Variants in ENTREP2 observed in about 807,000 individuals in gnomAD.
ENTREP2 encodes the protein endosomal transmembrane epsin interactor 2.
chr15:29,442,361 C>A, the ENTREP2 span, among the ~76,000 whole-genome samples: 1 of 152,194 alleles, frequency 6.6e-6, no homozygotes, highest in Non-Finnish European at 1.5e-5. Flanking sequence ...GTGCAACTAT[C>A]TTTGGGAAAC....
chr15:29,672,873 G>A, the ENTREP2 span, among the ~76,000 whole-genome samples: 23 of 152,210 alleles, frequency 1.5e-4, no homozygotes, highest in African/African-American at 4.6e-4. Context: ...TGGATCTCAC[G>A]CAAGAAAGAA....
the ENTREP2 span, among the ~76,000 whole-genome samples, chr15:29,636,089 T>C: frequency 6.6e-6 from 1 of 152,276 alleles, no homozygotes; most frequent in African/African-American, 2.4e-5. Flanking sequence ...AAAGAGAAAC[T>C]CTGCCTGGTG....
At chr15:29,543,651 C>T in the ENTREP2 span, among the ~76,000 whole-genome samples, 17 of 152,056 alleles carry the variant, frequency 1.1e-4, no homozygotes, top group Non-Finnish European at 1.6e-4. Context: ...TGGTGGCGGG[C>T]ACCTGTGGTC....
the ENTREP2 span, among the ~76,000 whole-genome samples, chr15:29,423,291 G>A: frequency 6.6e-6 from 1 of 152,150 alleles, no homozygotes. Flanking sequence ...TGGGAATTCA[G>A]AGAGAGATAA....
chr15:29,588,518 GAGGA>G, the ENTREP2 span, among the ~76,000 whole-genome samples: 4 of 116,450 alleles, frequency 3.4e-5, no homozygotes, highest in South Asian at 3.6e-4. Flanking sequence ...GGGAGGGAGG[GAGGA>G]AGGAAGGAAG....
the ENTREP2 span, among the ~76,000 whole-genome samples, chr15:29,356,977 CTTG>C: frequency 0.01 from 1,525 of 152,224 alleles, 41 homozygotes; most frequent in African/African-American, 0.035. Flanking sequence ...TCACAGGTAT[CTTG>C]TTGTACAGGA....
the ENTREP2 span, among the ~76,000 whole-genome samples, chr15:29,475,732 G>T: frequency 6.6e-6 from 1 of 152,326 alleles, no homozygotes; most frequent in Admixed American, 6.5e-5. Context: ...CCAGAGAGGG[G>T]TATGGGTCCT....
At chr15:29,171,457 G>A in the ENTREP2 span, among the ~76,000 whole-genome samples, 6 of 152,132 alleles carry the variant, frequency 3.9e-5, no homozygotes, top group Non-Finnish European at 8.8e-5. Context: ...GGATGTAACA[G>A]GCAAGATGAT....
the ENTREP2 span, among the ~76,000 whole-genome samples, chr15:29,629,728 A>T: frequency 4.0e-5 from 6 of 151,896 alleles, no homozygotes; most frequent in African/African-American, 1.2e-4. Context: ...CTTTTTACTT[A>T]TTCTATTGTT....
chr15:29,285,439 A>C, the ENTREP2 span, among the ~76,000 whole-genome samples: 2 of 152,236 alleles, frequency 1.3e-5, no homozygotes, highest in Non-Finnish European at 2.9e-5. Flanking sequence ...AGAATACTAT[A>C]TACAGCCTTT....
the ENTREP2 span, among the ~76,000 whole-genome samples, chr15:29,202,465 T>C: frequency 6.6e-6 from 1 of 152,114 alleles, no homozygotes; most frequent in Non-Finnish European, 1.5e-5. Flanking sequence ...TCACCTCCCA[T>C]TTTAAAAATT....
At chr15:29,401,392 A>C in the ENTREP2 span, among the ~76,000 whole-genome samples, 1 of 152,214 alleles carries the variant, frequency 6.6e-6, no homozygotes, top group Admixed American at 6.5e-5. Context: ...TGAACAATAA[A>C]CATGTAACAG....
chr15:29,136,457 T>C, the ENTREP2 span: 7 of 1,547,812 alleles, frequency 4.5e-6, no homozygotes, highest in African/African-American at 5.5e-5. Flanking sequence ...GGCCACGTCA[T>C]ACAAAGTGCC....
At chr15:29,548,355 C>T in the ENTREP2 span, among the ~76,000 whole-genome samples, 2 of 151,180 alleles carry the variant, frequency 1.3e-5, no homozygotes, top group Non-Finnish European at 2.9e-5. Context: ...TACTCAGAGG[C>T]TGAGACACGA....
chr15:29,549,825 G>T, the ENTREP2 span, among the ~76,000 whole-genome samples: 1 of 152,108 alleles, frequency 6.6e-6, no homozygotes, highest in Admixed American at 6.5e-5. Context: ...CTCCCATTCA[G>T]GCTCCTGGAA....
At chr15:29,520,802 A>G in the ENTREP2 span, among the ~76,000 whole-genome samples, 1 of 152,234 alleles carries the variant, frequency 6.6e-6, no homozygotes, top group African/African-American at 2.4e-5. Flanking sequence ...AAATTTAAAA[A>G]CAATACCATT....
chr15:29,605,633 T>C, the ENTREP2 span, among the ~76,000 whole-genome samples: 1 of 152,038 alleles, frequency 6.6e-6, no homozygotes, highest in Admixed American at 6.6e-5. Context: ...GGTCAGGAGT[T>C]CAAGACCAGC....
the ENTREP2 span, among the ~76,000 whole-genome samples, chr15:29,423,586 G>A: frequency 2.0e-5 from 3 of 149,360 alleles, no homozygotes; most frequent in African/African-American, 7.4e-5. Flanking sequence ...AGGAGATCGA[G>A]ACCATCCTGG....
At chr15:29,346,086 C>T in the ENTREP2 span, among the ~76,000 whole-genome samples, 1 of 152,196 alleles carries the variant, frequency 6.6e-6, no homozygotes, top group Non-Finnish European at 1.5e-5. Flanking sequence ...GGCGAACGAG[C>T]TCCAGAGCCC....
Sources: gnomAD v4.1 joint callset for allele counts (sites outside exome capture counted in the v4.1 genomes callset) on GRCh38, gnomAD v4.1.1 for gene constraint, MANE v1.5 for transcripts, NCBI Gene and HGNC (gene_info 2026-07-23, HGNC 2026-07-21) for gene names.